Variants in KIAA1958 observed in about 807,000 individuals in gnomAD.
KIAA1958 encodes the protein KIAA1958, also known as uncharacterized protein KIAA1958.
Under a neutral mutation model 47.2 loss-of-function variants are expected in KIAA1958, and 14 were observed. The ratio of observed to expected loss-of-function variants is 0.30; its 90% CI spans 0.20 to 0.46. The LOEUF (loss-of-function observed/expected upper bound fraction) is 0.46, where lower values mean the gene tolerates loss of function less well. Ranked by LOEUF, KIAA1958 falls within the 20% of genes least tolerant of loss-of-function variation. The pLI, the probability that KIAA1958 is intolerant of heterozygous loss-of-function variation, is 1.00. For missense variants in KIAA1958, 803 were observed against 909.2 expected, an observed-to-expected ratio of 0.88 and a Z score of 1.50; for synonymous variants, 354 against 353.3, an observed-to-expected ratio of 1.00 and a Z score of -0.02.
chr9:112,556,734 T>A (rs1159842213), intron 1 of KIAA1958, among the ~76,000 whole-genome samples: 1 of 152,220 alleles, frequency 6.6e-6, no homozygotes, highest in Non-Finnish European at 1.5e-5. Context: ...AAGATTTTAA[T>A]CTAGGGAGTG....
rs5900004 is a variant in KIAA1958, at chr9:112,489,474, G to GTTT, written c.-25+2367_-25+2369dup. On this transcript the variant is annotated intron_variant, in intron 1 of 3. Coordinates refer to ENST00000337530, the MANE Select transcript of KIAA1958 (RefSeq NM_133465.4). ...CACCTAGTTTTGTTTATGTTTTTGT[G>GTTT]TTTTTTTTTTTTTGACTGATAGGTA... Among the ~76,000 whole-genome samples the GTTT allele has an allele frequency of 5.0e-3, 704 of 141,452 alleles. 4 individuals carry two copies. The highest frequency in any genetic ancestry group is 6.9e-3 in the East Asian group (34 of 4,918). The allele number at this position is 141,452 out of a possible 152,430, so 92.8% of individuals were successfully genotyped here.
chr9:112,588,521 C>G (rs532898028), intron 2 of KIAA1958, among the ~76,000 whole-genome samples: 2 of 152,026 alleles, frequency 1.3e-5, no homozygotes, highest in Non-Finnish European at 2.9e-5. Context: ...AGCATGCTAC[C>G]GATTAAACTA....
At chr9:112,513,272 T>C (rs1834353635) in intron 1 of KIAA1958, among the ~76,000 whole-genome samples, 1 of 131,328 alleles carries the variant, frequency 7.6e-6, no homozygotes. Flanking sequence ...CCTAAAGTGC[T>C]GGGATTACAG....
chr9:112,531,201 C>A (rs1213027206), intron 1 of KIAA1958, among the ~76,000 whole-genome samples: 1 of 152,100 alleles, frequency 6.6e-6, no homozygotes, highest in South Asian at 2.1e-4. Context: ...CCAGCTTGAC[C>A]AACATGGAGA....
chr9:112,492,272 G>A (rs1833983432), intron 1 of KIAA1958, among the ~76,000 whole-genome samples: 1 of 152,186 alleles, frequency 6.6e-6, no homozygotes, highest in Admixed American at 6.5e-5. Context: ...GCTGATGGAT[G>A]GCTGTCTTCC....
Position 112,666,858 on chromosome 9 carries a change from C to G in KIAA1958, c.*6789C>G, listed in dbSNP as rs191798638. The G allele has an allele frequency of 6.6e-6, 1 of 152,292 alleles. No homozygotes were observed. Among genetic ancestry groups the G allele is most frequent in the African/African-American group, 2.4e-5 (1 of 41,558 alleles). The allele number at this position is 152,292 out of a possible 1,614,324, so 9.4% of individuals were successfully genotyped here. The stretch of plus-strand genomic sequence containing the variant: ...CACCGGGAAGAGAAAAAGTTCATAT[C>G]CACCCTCTCTTCTTTCTCCCCAACC... On this transcript the variant is annotated 3_prime_UTR_variant, in exon 4 of 4. Transcript: ENST00000337530.
chr9:112,580,490 A>G (rs1333281424), intron 2 of KIAA1958, among the ~76,000 whole-genome samples: 5 of 152,146 alleles, frequency 3.3e-5, no homozygotes, highest in Non-Finnish European at 7.4e-5. Context: ...TCTTCTTACA[A>G]GAAGAAACAA....
rs142011182 is a variant in KIAA1958, at chr9:112,657,966, C to T, written c.1345-1297C>T. On this transcript the variant is annotated intron_variant, in intron 3 of 3. Coordinates refer to ENST00000337530, the MANE Select transcript of KIAA1958 (RefSeq NM_133465.4). ...CCACCTTCCCGATTTAAGCAATTCT[C>T]CTGCCTCAGTCTCCCAAGTAGCTGG... Among the ~76,000 whole-genome samples the T allele has an allele frequency of 3.1e-3, 470 of 152,084 alleles. 3 individuals carry two copies. Among genetic ancestry groups the T allele is most frequent in the African/African-American group, 0.011 (436 of 41,456 alleles).
In KIAA1958 at chr9:112,667,276, G is replaced by A. The variant is rs2131261014; in HGVS notation, c.*7207G>A. On this transcript the variant is annotated 3_prime_UTR_variant, in exon 4 of 4. Transcript: ENST00000337530. Reference sequence around the variant, plus strand: ...AGTATAGAGAAAAAAATAAAATGAGGCATATAAAAAAGTCAATGGGCCAGG... The same window carrying A: ...AGTATAGAGAAAAAAATAAAATGAGACATATAAAAAAGTCAATGGGCCAGG... The A allele has an allele frequency of 6.6e-6, 1 of 152,052 alleles. No individual in the cohort carries two copies. Among genetic ancestry groups the A allele is most frequent in the East Asian group, 1.9e-4 (1 of 5,166 alleles). 9.4% of individuals were successfully genotyped at this position (152,052 alleles called of 1,614,324 possible).
chr9:112,568,367 G>T (rs981823290), intron 1 of KIAA1958, among the ~76,000 whole-genome samples: 1 of 152,164 alleles, frequency 6.6e-6, no homozygotes. Flanking sequence ...CACAAATGCA[G>T]ATGTATGAAA....
intron 3 of KIAA1958, among the ~76,000 whole-genome samples, chr9:112,657,197 C>T (rs1218737322): frequency 6.6e-6 from 1 of 152,044 alleles, no homozygotes; most frequent in Non-Finnish European, 1.5e-5. Flanking sequence ...AAGCGATTCT[C>T]CTGCCTCAGC....
At chr9:112,587,666 A>C (rs998205084) in intron 2 of KIAA1958, among the ~76,000 whole-genome samples, 3 of 152,170 alleles carry the variant, frequency 2.0e-5, no homozygotes, top group Non-Finnish European at 4.4e-5. Flanking sequence ...TTGCTTTCTT[A>C]GACCCAAAGA....
intron 1 of KIAA1958, among the ~76,000 whole-genome samples, chr9:112,527,705 G>A (rs1834681824): frequency 6.6e-6 from 1 of 152,144 alleles, no homozygotes; most frequent in Admixed American, 6.5e-5. Context: ...GGGAGACTGA[G>A]GCGGGCAGAT....
chr9:112,573,096 C>G (rs541003220), intron 1 of KIAA1958, among the ~76,000 whole-genome samples: 74 of 152,284 alleles, frequency 4.9e-4, no homozygotes, highest in African/African-American at 1.7e-3. Context: ...CAGCCCCTTG[C>G]AGACTCCACA....
chr9:112,528,522 G>T (rs1243424403), intron 1 of KIAA1958, among the ~76,000 whole-genome samples: 2 of 152,010 alleles, frequency 1.3e-5, no homozygotes, highest in African/African-American at 2.4e-5. Flanking sequence ...TATTTCATAT[G>T]CATGTATTTA....
intron 1 of KIAA1958, among the ~76,000 whole-genome samples, chr9:112,563,065 G>GTCTCTGTCTC (rs1165716145): frequency 7.9e-6 from 1 of 126,608 alleles, no homozygotes; most frequent in Non-Finnish European, 1.6e-5. Flanking sequence ...CTCTGTCTCT[G>GTCTCTGTCTC]TCTCTCTCTC....
intron 1 of KIAA1958, among the ~76,000 whole-genome samples, chr9:112,567,010 A>T (rs1654801365): frequency 6.6e-6 from 1 of 152,164 alleles, no homozygotes; most frequent in African/African-American, 2.4e-5. Context: ...AAGTGGTAAA[A>T]ACATTATGAC....
rs1328403954 is a variant in KIAA1958, at chr9:112,618,972, T to C, written c.1172-26678T>C. On this transcript the variant is annotated intron_variant, in intron 2 of 3. Coordinates refer to ENST00000337530, the MANE Select transcript of KIAA1958 (RefSeq NM_133465.4). This position sits in a 1 kb window ranked among gnomAD's most constrained non-coding sequence, Gnocchi z 7.1. ...TTACTGTGTCCGGAGAAACTGTGAT[T>C]ATACACCGCTTCTCGTTCCCCTTCC... is the stretch of plus-strand genomic sequence containing the variant. The C allele has an allele frequency of 6.8e-7, 1 of 1,463,898 alleles. No homozygotes were observed. The highest frequency in any genetic ancestry group is 9.1e-7 in the Non-Finnish European group (1 of 1,101,520). The allele number at this position is 1,463,898 out of a possible 1,614,324, so 90.7% of individuals were successfully genotyped here.
intron 2 of KIAA1958, among the ~76,000 whole-genome samples, chr9:112,621,285 G>T (rs1417061211): frequency 2.0e-5 from 3 of 152,004 alleles, no homozygotes; most frequent in Non-Finnish European, 4.4e-5. Context: ...CTTCCTGTTC[G>T]CCTTATTCTA....
Sources: allele counts gnomAD v4.1 joint callset (sites outside exome capture counted in the v4.1 genomes callset), GRCh38; gene constraint gnomAD v4.1.1; non-coding constraint Gnocchi (gnomAD v3.1); transcripts MANE v1.5; gene names NCBI Gene and HGNC (gene_info 2026-07-23, HGNC 2026-07-21).